Variants in C10orf143 observed in about 807,000 individuals in gnomAD.
C10orf143 encodes chromosome 10 open reading frame 143.
At chr10:130,063,283 C>A (rs1446389815), downstream of C10orf143, among the ~76,000 whole-genome samples, 4 of 152,308 alleles carry the variant, frequency 2.6e-5, no homozygotes, top group East Asian at 7.7e-4. Context: ...TGCTGTCCAT[C>A]TAAGAGTTTT....
At chr10:130,107,098 T>G (rs1861663179) in intron 1 of C10orf143, 1 of 1,592,962 alleles carries the variant, frequency 6.3e-7, no homozygotes, top group Admixed American at 1.7e-5. Flanking sequence ...TTACAGAGCA[T>G]ATTAAAAATC....
At chr10:130,035,550 G>A (rs1860535803) in intron 4 of C10orf143, among the ~76,000 whole-genome samples, 1 of 152,206 alleles carries the variant, frequency 6.6e-6, no homozygotes, top group African/African-American at 2.4e-5. Context: ...ATGTTGTGGG[G>A]CATTCAGGCA....
chr10:130,066,315 G>T lies in C10orf143; in HGVS notation c.298-1932C>A, dbSNP rs12242944. On this transcript the variant is annotated intron_variant, in intron 3 of 3. Transcript: ENST00000637128. Reference sequence around the variant, plus strand: ...AGATCCTCTCATCTCAGCCTCCTGAGTAGCTGGGACTGCAGGTGCTTGCCG... The same window carrying T: ...AGATCCTCTCATCTCAGCCTCCTGATTAGCTGGGACTGCAGGTGCTTGCCG... The T allele has an allele frequency of 7.8e-3, 1,175 of 150,710 alleles. 13 individuals carry two copies. The highest frequency in any genetic ancestry group is 0.027 in the African/African-American group (1,103 of 41,024). 9.3% of individuals were successfully genotyped at this position (150,710 alleles called of 1,614,324 possible).
chr10:130,047,611 C>A (rs1213839099), intron 3 of C10orf143, among the ~76,000 whole-genome samples: 1 of 152,210 alleles, frequency 6.6e-6, no homozygotes, highest in African/African-American at 2.4e-5. Context: ...GCTGGTCAGA[C>A]CCGGACGAAG....
At chr10:130,069,104 T>C (rs1012870595) in intron 3 of C10orf143, among the ~76,000 whole-genome samples, 1 of 152,124 alleles carries the variant, frequency 6.6e-6, no homozygotes, top group South Asian at 2.1e-4. Context: ...AAACACATCA[T>C]AACAAAGTGA....
chr10:130,101,862 AAC>A (rs1564970396), intron 1 of C10orf143, among the ~76,000 whole-genome samples: 1 of 28,628 alleles, frequency 3.5e-5, no homozygotes, highest in Non-Finnish European at 6.7e-5. Flanking sequence ...AAAAAAAAAA[AAC>A]CAAAAAAAAA....
chr10:130,087,730 G>A (rs1417741200), intron 1 of C10orf143, among the ~76,000 whole-genome samples: 2 of 152,206 alleles, frequency 1.3e-5, no homozygotes, highest in Non-Finnish European at 2.9e-5. Flanking sequence ...TTTCTGTGCT[G>A]AGAAGAGCCA....
At chr10:130,091,967 A>G (rs189873633) in intron 1 of C10orf143, among the ~76,000 whole-genome samples, 2 of 152,354 alleles carry the variant, frequency 1.3e-5, no homozygotes, top group Admixed American at 1.3e-4. Flanking sequence ...GACAGGGAGA[A>G]TGGAACCAAC....
downstream of C10orf143, among the ~76,000 whole-genome samples, chr10:130,063,734 A>G (rs1319649661): frequency 1.3e-5 from 2 of 152,230 alleles, no homozygotes; most frequent in Admixed American, 1.3e-4. Flanking sequence ...TTTCAAACCC[A>G]GAGAAAATAA....
At position 130,056,692 on chromosome 10, in the gene C10orf143, T is replaced by C. The variant is rs1039737806; in HGVS notation, c.298-20722A>G. Among the ~76,000 whole-genome samples the C allele has an allele frequency of 6.6e-6, 1 of 151,734 alleles. No homozygotes were observed. The highest frequency in any genetic ancestry group is 6.6e-5 in the Admixed American group (1 of 15,224). ...CTGCAAGCTCCGCCTCCTGGGTTCA[T>C]GCCATTCTCCTGCCTCAGCCTCCTG... On this transcript the variant is annotated intron_variant and NMD_transcript_variant, in intron 3 of 5. Coordinates refer to the C10orf143 transcript ENST00000643056. The surrounding 1 kb of genome is among the most constrained non-coding windows in gnomAD (Gnocchi z 4.6).
chr10:130,088,161 T>C lies in C10orf143; in HGVS notation c.70-8260A>G, dbSNP rs560491286. ...ACTTTGGGAGGTCAAGGCGGGTGGA[T>C]CACCTGAGATCAGGAGTTCGAGACC... On this transcript the variant is annotated intron_variant, in intron 1 of 3. Coordinates refer to ENST00000637128, the MANE Select transcript of C10orf143 (RefSeq NM_001355042.2). Among the ~76,000 whole-genome samples the C allele has an allele frequency of 2.0e-5, 3 of 152,266 alleles. No homozygotes were observed. The South Asian group carries it at 6.2e-4, about 32-fold the overall frequency.
chr10:130,082,862 G>A (rs1405875317), intron 1 of C10orf143, among the ~76,000 whole-genome samples: 1 of 151,928 alleles, frequency 6.6e-6, no homozygotes, highest in Non-Finnish European at 1.5e-5. Context: ...TAATCTTGGT[G>A]TAGGGAAAGA....
intron 3 of C10orf143, among the ~76,000 whole-genome samples, chr10:130,038,319 C>G (rs1860568017): frequency 1.3e-5 from 2 of 152,114 alleles, no homozygotes; most frequent in South Asian, 2.1e-4. Flanking sequence ...ATGTTGTTTA[C>G]CGGGAGAGAA....
At chr10:130,086,444 G>A (rs533294739) in intron 1 of C10orf143, among the ~76,000 whole-genome samples, 172 of 152,244 alleles carry the variant, frequency 1.1e-3, no homozygotes, top group Non-Finnish European at 2.0e-3. Flanking sequence ...TACAGTAATC[G>A]TATTAATCAT....
At chr10:130,057,192 G>A (rs1354854927) in intron 3 of C10orf143, among the ~76,000 whole-genome samples, 2 of 151,990 alleles carry the variant, frequency 1.3e-5, no homozygotes, top group Non-Finnish European at 2.9e-5. Flanking sequence ...ACATCTGGCT[G>A]AATTTTTAAT....
chr10:130,102,931 CTTTATA>C (rs1861580642), intron 1 of C10orf143, among the ~76,000 whole-genome samples: 1 of 149,544 alleles, frequency 6.7e-6, no homozygotes, highest in African/African-American at 2.4e-5. Flanking sequence ...TCTATTGCAT[CTTTATA>C]TTTATAGTGA....
chr10:130,066,793 C>G (rs1007599010), intron 3 of C10orf143: 3 of 152,088 alleles, frequency 2.0e-5, no homozygotes, highest in South Asian at 2.1e-4. Context: ...AGTGGGACCT[C>G]AAGTCATCAG....
intron 1 of C10orf143, among the ~76,000 whole-genome samples, chr10:130,100,044 G>A (rs574346206): frequency 1.8e-3 from 267 of 150,832 alleles, no homozygotes; most frequent in African/African-American, 6.1e-3. Context: ...CACCATGTTG[G>A]CCAGGCTAGT....
At chr10:130,035,993 G>C (rs551645357) in intron 3 of C10orf143, 55 of 152,324 alleles carry the variant, frequency 3.6e-4, no homozygotes, top group African/African-American at 1.3e-3. Flanking sequence ...GAGGGATAGT[G>C]AGCTCTCTGG....
Sources: allele counts gnomAD v4.1 joint callset (sites outside exome capture counted in the v4.1 genomes callset), GRCh38; gene constraint gnomAD v4.1.1; non-coding constraint Gnocchi (gnomAD v3.1); transcripts MANE v1.5; gene names NCBI Gene and HGNC (gene_info 2026-07-23, HGNC 2026-07-21).